The following NRXN1 variants were observed in gnomAD, a reference collection of about 807,000 sequenced individuals.
NRXN1 encodes the protein neurexin 1.
In NRXN1, 39 loss-of-function variants were observed where a neutral mutation model predicts 150.9. That is an observed-to-expected ratio of 0.26 (90% CI 0.20 to 0.34). The LOEUF is 0.34. Among genes scored for constraint, NRXN1 ranks in the 10% least tolerant of loss-of-function variants. The pLI is 1.00. For synonymous variants in NRXN1, 924 were observed against 757.0 expected (o/e 1.22, Z -3.62); for missense variants, 1,815 against 1,949.9 (o/e 0.93, Z 1.30).
At chr2:50,937,626 T>C (rs888023806) in intron 2 of NRXN1, among the ~76,000 whole-genome samples, 3 of 152,008 alleles carry the variant, frequency 2.0e-5, no homozygotes, top group South Asian at 2.1e-4. Context: ...TCTCCATCGA[T>C]TGTTGTTTAT....
intron 5 of NRXN1, among the ~76,000 whole-genome samples, chr2:50,913,617 A>G (rs1684826037): frequency 6.6e-6 from 1 of 151,778 alleles, no homozygotes; most frequent in East Asian, 1.9e-4. Context: ...ATGAAAGAAA[A>G]TATTAGTCTC....
At position 50,187,925 on chromosome 2, in the gene NRXN1, T is replaced by C. The variant is rs554238373; in HGVS notation, c.3546+48864A>G. Among the ~76,000 whole-genome samples, 23 of 152,302 alleles carry C rather than the reference T, an allele frequency of 1.5e-4. No individual in the cohort carries two copies. The East Asian group carries it at 3.9e-3, about 26-fold the overall frequency. On this transcript the variant is annotated intron_variant, in intron 18 of 22. Transcript: ENST00000401669. ...TTAGAATGCTTGTGATTTTTGCACATTGATTTTGTATCCTGAGACTTTGCT... is the reference window on the plus strand; with the variant it reads ...TTAGAATGCTTGTGATTTTTGCACACTGATTTTGTATCCTGAGACTTTGCT...
intron 17 of NRXN1, among the ~76,000 whole-genome samples, chr2:50,357,806 C>G (rs1210905954): frequency 6.6e-6 from 1 of 152,158 alleles, no homozygotes; most frequent in African/African-American, 2.4e-5. Context: ...CAAATAGGAA[C>G]AGCTCTGGTC....
chr2:50,329,663 ATATATATATATTTT>A lies in NRXN1; in HGVS notation c.3365-92707_3365-92694del, dbSNP rs1466912203. 8.6e-3 allele frequency among the ~76,000 whole-genome samples: 247 copies of A among 28,706 alleles called. 18 individuals are homozygous for A. The highest frequency in any genetic ancestry group is 0.015 in the African/African-American group (78 of 5,132). 18.8% of individuals were successfully genotyped at this position (28,706 alleles called of 152,430 possible). On this transcript the variant is annotated intron_variant, in intron 17 of 22. Transcript: ENST00000401669. ...TATATATATATATATATATATATAT[ATATATATATATTTT>A]TTTTTTTCCCCCCCGAGACGGAGTC...
At position 50,868,559 on chromosome 2, in the gene NRXN1, T is replaced by TA. The variant is rs574744075; in HGVS notation, c.832+53309dup. The stretch of plus-strand genomic sequence containing the variant: ...CTTGTGTTCCTTAAATTGATACAAA[T>TA]AAAAAAAATTAACTTCAAAAGAATT... On this transcript the variant is annotated intron_variant, in intron 5 of 22. Coordinates refer to ENST00000401669, the MANE Select transcript of NRXN1 (RefSeq NM_001330078.2). Among the ~76,000 whole-genome samples, 235 of 151,456 alleles carry TA rather than the reference T, an allele frequency of 1.6e-3. 1 individual carries two copies. Among genetic ancestry groups the TA allele is most frequent in the African/African-American group, 5.5e-3 (228 of 41,348 alleles).
intron 5 of NRXN1, among the ~76,000 whole-genome samples, chr2:50,668,864 G>A (rs972236528): frequency 1.3e-5 from 2 of 151,978 alleles, no homozygotes; most frequent in Non-Finnish European, 2.9e-5. Context: ...TGAGAGAAAT[G>A]AAGGAGGAGG....
chr2:50,687,195 A>C (rs1691362341), intron 5 of NRXN1, among the ~76,000 whole-genome samples: 1 of 152,180 alleles, frequency 6.6e-6, no homozygotes, highest in Admixed American at 6.5e-5. Flanking sequence ...GATTAGTAAT[A>C]CCTCATTTAC....
intron 12 of NRXN1, among the ~76,000 whole-genome samples, chr2:50,516,612 C>T (rs2092638215): frequency 6.6e-6 from 1 of 152,082 alleles, no homozygotes; most frequent in African/African-American, 2.4e-5. Context: ...ACCAATAACC[C>T]TCAGAACCAG....
rs1018877288 is a variant in NRXN1 at position 50,368,418 on chromosome 2, G to A, written c.3364+97024C>T. ...TAGTTGTTATTACAAAAAACCTGGGGATTTTTACTAAACAAAAATGTAACA... is the reference window on the plus strand; with the variant it reads ...TAGTTGTTATTACAAAAAACCTGGGAATTTTTACTAAACAAAAATGTAACA... On this transcript the variant is annotated intron_variant, in intron 17 of 22. Coordinates refer to ENST00000401669, the MANE Select transcript of NRXN1 (RefSeq NM_001330078.2). Among the ~76,000 whole-genome samples, 83 of 151,928 alleles carry A rather than the reference G, an allele frequency of 5.5e-4. 1 individual carries two copies. Among genetic ancestry groups the A allele is most frequent in the Non-Finnish European group, 7.4e-5 (5 of 67,926 alleles).
At chr2:50,854,578 C>A (rs1208657967) in intron 5 of NRXN1, among the ~76,000 whole-genome samples, 1 of 152,018 alleles carries the variant, frequency 6.6e-6, no homozygotes, top group African/African-American at 2.4e-5. Flanking sequence ...TCCAAGATAT[C>A]TCATGAAAAA....
At chr2:50,825,785 G>A (rs2105852284) in intron 5 of NRXN1, among the ~76,000 whole-genome samples, 1 of 152,280 alleles carries the variant, frequency 6.6e-6, no homozygotes, top group East Asian at 1.9e-4. Context: ...AAGTCGGTCG[G>A]GAGGCACTCT....
At chr2:50,218,927 A>C (rs1055416921) in intron 18 of NRXN1, among the ~76,000 whole-genome samples, 4 of 152,020 alleles carry the variant, frequency 2.6e-5, no homozygotes, top group Non-Finnish European at 5.9e-5. Context: ...TTGTTTAAAT[A>C]GTTTTCAAGA....
intron 17 of NRXN1, among the ~76,000 whole-genome samples, chr2:50,461,706 T>C (rs1474488869): frequency 6.6e-6 from 1 of 151,950 alleles, no homozygotes; most frequent in Non-Finnish European, 1.5e-5. Flanking sequence ...AGCTACACCA[T>C]ACAATGTAGT....
chr2:50,275,665 T>C (rs2070344317), intron 17 of NRXN1, among the ~76,000 whole-genome samples: 3 of 152,136 alleles, frequency 2.0e-5, no homozygotes, highest in African/African-American at 7.2e-5. Context: ...TATTGATTCA[T>C]TGAGTCCCTT....
chr2:49,975,820 T>C (rs1678868323), intron 21 of NRXN1, among the ~76,000 whole-genome samples: 2 of 152,094 alleles, frequency 1.3e-5, no homozygotes, highest in African/African-American at 4.8e-5. Context: ...ACTGAGTAGA[T>C]AAACTATGAT....
At chr2:50,361,026 C>T (rs1168339060) in intron 17 of NRXN1, among the ~76,000 whole-genome samples, 4 of 152,038 alleles carry the variant, frequency 2.6e-5, no homozygotes, top group East Asian at 1.9e-4. Flanking sequence ...GAGTAAATAA[C>T]GAAACGAAGG....
At chr2:50,993,052 GACAT>G (rs1558550416) in intron 2 of NRXN1, among the ~76,000 whole-genome samples, 2 of 151,836 alleles carry the variant, frequency 1.3e-5, no homozygotes, top group African/African-American at 2.4e-5. Context: ...TAAATACAAG[GACAT>G]ACAAAGAGTA....
At chr2:50,974,837 C>A (rs765354924) in intron 2 of NRXN1, among the ~76,000 whole-genome samples, 4 of 152,048 alleles carry the variant, frequency 2.6e-5, no homozygotes, top group Admixed American at 6.6e-5. Flanking sequence ...CACACTCCCA[C>A]GACTCATAAT....
At chr2:50,551,848 T>C (rs1304543385) in intron 9 of NRXN1, among the ~76,000 whole-genome samples, 1 of 152,062 alleles carries the variant, frequency 6.6e-6, no homozygotes, top group Non-Finnish European at 1.5e-5. Flanking sequence ...AAATGTCATC[T>C]CTGCTTCCTG....
Sources: allele counts gnomAD v4.1 joint callset (sites outside exome capture counted in the v4.1 genomes callset), GRCh38; gene constraint gnomAD v4.1.1; transcripts MANE v1.5; gene names NCBI Gene and HGNC (gene_info 2026-07-23, HGNC 2026-07-21).